The following MRTFA variants were observed in gnomAD, a reference collection of about 807,000 sequenced individuals.
MRTFA encodes the protein myocardin-related transcription factor A.
A neutral mutation model predicts 83.5 loss-of-function variants in MRTFA; 20 were observed. The ratio of observed to expected loss-of-function variants is 0.24; its 90% CI spans 0.17 to 0.35. MRTFA has a LOEUF of 0.35. MRTFA is among the 10% of genes least tolerant of loss of function. The pLI is 1.00. For synonymous variants in MRTFA, 659 were observed against 541.2 expected, an observed-to-expected ratio of 1.22 and a Z score of -3.02; for missense variants, 1,200 against 1,224.7, an observed-to-expected ratio of 0.98 and a Z score of 0.30.
At chr22:40,535,350 T>A (rs1172734760) in intron 3 of MRTFA, among the ~76,000 whole-genome samples, 2 of 128,770 alleles carry the variant, frequency 1.6e-5, no homozygotes, top group Admixed American at 1.6e-4. Context: ...GGTTTTTTCT[T>A]TTTTTTTTTT....
At chr22:40,520,691 G>A (rs1346825452) in intron 3 of MRTFA, among the ~76,000 whole-genome samples, 2 of 152,198 alleles carry the variant, frequency 1.3e-5, no homozygotes, top group Admixed American at 6.5e-5. Flanking sequence ...ATAGGCATAA[G>A]CCACCACACA....
chr22:40,508,536 A>C (rs2054617551), intron 3 of MRTFA, among the ~76,000 whole-genome samples: 1 of 151,014 alleles, frequency 6.6e-6, no homozygotes, highest in African/African-American at 2.4e-5. Flanking sequence ...AAAAAAAAAA[A>C]AAAAGGATTC....
intron 3 of MRTFA, among the ~76,000 whole-genome samples, chr22:40,497,244 A>G (rs570430711): frequency 6.6e-6 from 1 of 152,360 alleles, no homozygotes; most frequent in South Asian, 2.1e-4. Context: ...ACTGAAATCT[A>G]AAATCATTTT....
At chr22:40,422,252 A>G (rs2052856810) in intron 9 of MRTFA, among the ~76,000 whole-genome samples, 1 of 152,024 alleles carries the variant, frequency 6.6e-6, no homozygotes, top group Admixed American at 6.5e-5. Context: ...GGGAACCCCA[A>G]CAGCTGGGCC....
chr22:40,439,720 C>T (rs2053239167), intron 4 of MRTFA, among the ~76,000 whole-genome samples: 1 of 152,124 alleles, frequency 6.6e-6, no homozygotes, highest in Non-Finnish European at 1.5e-5. Flanking sequence ...GGCCCCAGGG[C>T]TCTCAAGCAT....
intron 2 of MRTFA, chr22:40,588,140 C>A (rs2056060376): frequency 6.4e-6 from 1 of 155,998 alleles, no homozygotes; most frequent in Non-Finnish European, 1.4e-5. Context: ...GCGATTCTCC[C>A]GCCTCAGCCT....
chr22:40,412,093 T>A, intron 14 of MRTFA, 186 bp from the exon 15 acceptor site: 1 of 460,084 alleles, frequency 2.2e-6, no homozygotes, highest in Non-Finnish European at 3.6e-6. Context: ...ACATATTTGA[T>A]AAAGAAGTGA....
chr22:40,568,918 A>G (rs1316530812), intron 2 of MRTFA, among the ~76,000 whole-genome samples: 1 of 152,216 alleles, frequency 6.6e-6, no homozygotes, highest in Non-Finnish European at 1.5e-5. Context: ...CCTTATGGGT[A>G]GCCTATTTAA....
intron 3 of MRTFA, among the ~76,000 whole-genome samples, chr22:40,486,940 T>C (rs2054183651): frequency 6.6e-6 from 1 of 152,208 alleles, no homozygotes; most frequent in African/African-American, 2.4e-5. Context: ...ATCACTGCAA[T>C]CCAGCCTGGG....
chr22:40,602,104 CGAA>C (rs1161520299), intron 1 of MRTFA, among the ~76,000 whole-genome samples: 3 of 152,132 alleles, frequency 2.0e-5, no homozygotes, highest in Non-Finnish European at 2.9e-5. Context: ...AAAGCACCTA[CGAA>C]GAAGAACAAC....
At chr22:40,580,985 T>G (rs1009574223) in intron 2 of MRTFA, among the ~76,000 whole-genome samples, 2 of 152,200 alleles carry the variant, frequency 1.3e-5, no homozygotes, top group African/African-American at 4.8e-5. Flanking sequence ...TTTATTCTTT[T>G]TTTTTTTAAA....
In MRTFA at chr22:40,417,790, G is replaced by A. The variant is rs1020795997; in HGVS notation, c.2365-297C>T. 5 of 395,592 alleles carry A rather than the reference G, an allele frequency of 1.3e-5. No homozygotes were observed. The South Asian group carries it at 1.5e-4, about 12-fold the overall frequency. 24.5% of individuals were successfully genotyped at this position (395,592 alleles called of 1,614,324 possible). A position where few individuals can be genotyped will look rare whatever the true frequency, so the allele number is the denominator to read the frequency against. On this transcript the variant is annotated intron_variant, in intron 12 of 14. Coordinates refer to ENST00000355630, the MANE Select transcript of MRTFA (RefSeq NM_020831.6). ...TTCTTTCTCTGCTTGGGGCTGCTCA[G>A]GGACCCCTGTCTCCTATCCTGAGGT...
chr22:40,512,139 A>C (rs1236421878), intron 3 of MRTFA, among the ~76,000 whole-genome samples: 1 of 152,238 alleles, frequency 6.6e-6, no homozygotes, highest in African/African-American at 2.4e-5. Context: ...GAGGAAAATA[A>C]GGCCAAGTAC....
chr22:40,410,805 C>T lies in MRTFA; in HGVS notation c.*585G>A, dbSNP rs570449004. 3.0e-5 allele frequency: 7 copies of T among 231,404 alleles called. No individual in the cohort carries two copies. Among genetic ancestry groups the T allele is most frequent in the South Asian group, 3.6e-4 (2 of 5,516 alleles). The allele number at this position is 231,404 out of a possible 1,614,324, so 14.3% of individuals were successfully genotyped here. ...CCCCCCCAAAAATATATATGTATGT[C>T]GATATATAATATAGAGGTATATACA... On this transcript the variant is annotated 3_prime_UTR_variant, in exon 15 of 15. Transcript: ENST00000355630.
chr22:40,630,322 A>T (rs1312982433), intron 1 of MRTFA, among the ~76,000 whole-genome samples: 2 of 152,042 alleles, frequency 1.3e-5, no homozygotes, highest in Non-Finnish European at 2.9e-5. Context: ...TCTCTCAAAA[A>T]ATAAAAATAA....
intron 1 of MRTFA, among the ~76,000 whole-genome samples, chr22:40,622,251 G>A (rs1304637606): frequency 6.6e-6 from 1 of 152,158 alleles, no homozygotes; most frequent in Non-Finnish European, 1.5e-5. Context: ...GGAGGCTGAG[G>A]CAGGTAGATC....
intron 3 of MRTFA, among the ~76,000 whole-genome samples, chr22:40,492,576 C>G (rs1352469847): frequency 6.6e-6 from 1 of 152,216 alleles, no homozygotes; most frequent in African/African-American, 2.4e-5. Flanking sequence ...TTCTGCCAGA[C>G]AAGCAGTATC....
intron 9 of MRTFA, among the ~76,000 whole-genome samples, chr22:40,423,152 A>T (rs2052877370): frequency 6.6e-6 from 1 of 152,188 alleles, no homozygotes; most frequent in African/African-American, 2.4e-5. Context: ...GAAGGAGGGG[A>T]ACACCACTCA....
intron 2 of MRTFA, among the ~76,000 whole-genome samples, chr22:40,554,616 C>A (rs762942030): frequency 1.3e-5 from 2 of 152,202 alleles, no homozygotes; most frequent in Non-Finnish European, 2.9e-5. Flanking sequence ...AACCTCTTTC[C>A]TTTATAAACT....
Sources: allele counts gnomAD v4.1 joint callset (sites outside exome capture counted in the v4.1 genomes callset), GRCh38; gene constraint gnomAD v4.1.1; transcripts MANE v1.5; gene names NCBI Gene and HGNC (gene_info 2026-07-23, HGNC 2026-07-21).